Variants in ARHGAP26 observed in about 807,000 individuals in gnomAD.
ARHGAP26 encodes the protein Rho GTPase activating protein 26.
A neutral mutation model predicts 104.8 loss-of-function variants in ARHGAP26; 38 were observed. The ratio of observed to expected loss-of-function variants is 0.36; its 90% CI spans 0.28 to 0.48. ARHGAP26 has a LOEUF of 0.48. Among genes scored for constraint, ARHGAP26 ranks in the 20% least tolerant of loss-of-function variants. ARHGAP26 has a pLI of 0.99. For missense variants in ARHGAP26, 704 were observed against 947.9 expected, an observed-to-expected ratio of 0.74 and a Z score of 3.38; for synonymous variants, 341 against 340.0, an observed-to-expected ratio of 1.00 and a Z score of -0.03.
intron 3 of ARHGAP26, among the ~76,000 whole-genome samples, chr5:142,876,271 C>G (rs1050274610): frequency 1.4e-4 from 22 of 152,178 alleles, no homozygotes; most frequent in Non-Finnish European, 3.1e-4. Flanking sequence ...TCTTCCCATG[C>G]TAACAGTTGG....
intron 5 of ARHGAP26, 39 bp from the exon 6 acceptor site, chr5:142,894,199 G>A (rs887139992): frequency 6.4e-7 from 1 of 1,572,482 alleles, no homozygotes; most frequent in Admixed American, 1.7e-5. Context: ...TCCTTGGGTA[G>A]TGACTTGATT....
intron 1 of ARHGAP26, among the ~76,000 whole-genome samples, chr5:142,847,147 C>T (rs780019418): frequency 4.6e-5 from 7 of 152,134 alleles, no homozygotes; most frequent in African/African-American, 1.7e-4. Context: ...ATAACAGTGC[C>T]TGTCTCATGG....
intron 1 of ARHGAP26, chr5:142,866,667 A>G (rs911509824): frequency 6.6e-6 from 1 of 152,206 alleles, no homozygotes; most frequent in Non-Finnish European, 1.5e-5. Flanking sequence ...TGAAAATTTC[A>G]TTAGCCTTAG....
chr5:143,209,586 G>A (rs979606284), intron 21 of ARHGAP26, among the ~76,000 whole-genome samples: 1 of 152,138 alleles, frequency 6.6e-6, no homozygotes, highest in Non-Finnish European at 1.5e-5. Flanking sequence ...TTCAAGACCA[G>A]CCTGGACAAC....
chr5:143,138,483 T>C (rs758488348), intron 19 of ARHGAP26, among the ~76,000 whole-genome samples: 2 of 152,182 alleles, frequency 1.3e-5, no homozygotes, highest in Admixed American at 6.5e-5. Flanking sequence ...AAGTTATCTG[T>C]AGACAGTCAA....
At chr5:142,777,164 C>T (rs1756493500) in intron 1 of ARHGAP26, among the ~76,000 whole-genome samples, 1 of 152,164 alleles carries the variant, frequency 6.6e-6, no homozygotes, top group African/African-American at 2.4e-5. Flanking sequence ...TCTCCATTTG[C>T]CCTCTTTTGG....
intron 4 of ARHGAP26, among the ~76,000 whole-genome samples, chr5:142,883,441 G>A (rs1757282036): frequency 1.3e-5 from 2 of 152,202 alleles, no homozygotes; most frequent in East Asian, 1.9e-4. Flanking sequence ...TTCTTCATTT[G>A]CTGCTAAATG....
chr5:142,899,838 G>A (rs927786500), intron 6 of ARHGAP26, among the ~76,000 whole-genome samples: 27 of 152,132 alleles, frequency 1.8e-4, no homozygotes, highest in Admixed American at 1.8e-3. Context: ...GACTAAAGGA[G>A]GAAAAACAAA....
At chr5:143,159,685 T>A (rs1427575725) in intron 20 of ARHGAP26, among the ~76,000 whole-genome samples, 1 of 152,206 alleles carries the variant, frequency 6.6e-6, no homozygotes, top group Admixed American at 6.5e-5. Flanking sequence ...GATTTTGATA[T>A]GCATCTAGAT....
chr5:143,172,462 C>T (rs921494787), intron 20 of ARHGAP26, among the ~76,000 whole-genome samples: 12 of 152,142 alleles, frequency 7.9e-5, no homozygotes, highest in Admixed American at 1.3e-4. Flanking sequence ...GTTCAATTGT[C>T]TGTTCAAAAA....
At chr5:142,800,127 G>A (rs1003231275) in intron 1 of ARHGAP26, among the ~76,000 whole-genome samples, 3 of 152,144 alleles carry the variant, frequency 2.0e-5, no homozygotes, top group African/African-American at 4.8e-5. Flanking sequence ...AAATACCTGC[G>A]TAATAAGTAA....
At chr5:143,142,908 C>T (rs890986240) in intron 19 of ARHGAP26, among the ~76,000 whole-genome samples, 4 of 152,150 alleles carry the variant, frequency 2.6e-5, no homozygotes, top group Non-Finnish European at 5.9e-5. Flanking sequence ...AGGAAAGCCT[C>T]TGGGTATTTT....
chr5:143,112,148 A>G (rs1387040257), intron 17 of ARHGAP26, among the ~76,000 whole-genome samples: 1 of 152,238 alleles, frequency 6.6e-6, no homozygotes, highest in Non-Finnish European at 1.5e-5. Context: ...TGGTATATTT[A>G]TAATTCAGTA....
At chr5:142,880,955 T>C (rs1756911881) in intron 4 of ARHGAP26, among the ~76,000 whole-genome samples, 1 of 152,220 alleles carries the variant, frequency 6.6e-6, no homozygotes, top group Admixed American at 6.5e-5. Context: ...TACACATTTA[T>C]GAGGAAGTGG....
intron 17 of ARHGAP26, among the ~76,000 whole-genome samples, chr5:143,085,807 C>T (rs147127025): frequency 1.6e-4 from 25 of 152,342 alleles, no homozygotes; most frequent in African/African-American, 6.0e-4. Flanking sequence ...AGGAAACAAA[C>T]CTCCTTAACC....
intron 1 of ARHGAP26, among the ~76,000 whole-genome samples, chr5:142,843,922 G>A (rs1419343972): frequency 1.3e-5 from 2 of 152,122 alleles, no homozygotes; most frequent in African/African-American, 4.8e-5. Context: ...CTTGGGAAGT[G>A]GTGTGCTCCT....
At chr5:143,129,803 C>T (rs143432162) in intron 18 of ARHGAP26, among the ~76,000 whole-genome samples, 71 of 152,290 alleles carry the variant, frequency 4.7e-4, no homozygotes, top group African/African-American at 1.7e-3. Context: ...TACTCTTTGC[C>T]ACATACTGCA....
intron 20 of ARHGAP26, among the ~76,000 whole-genome samples, chr5:143,206,978 GCAA>G (rs1808663536): frequency 6.6e-6 from 1 of 152,222 alleles, no homozygotes; most frequent in Non-Finnish European, 1.5e-5. Context: ...GTTCTGCAGG[GCAA>G]AGCCTGTTTA....
At chr5:142,806,862 C>T (rs1344792186) in intron 1 of ARHGAP26, among the ~76,000 whole-genome samples, 1 of 152,200 alleles carries the variant, frequency 6.6e-6, no homozygotes, top group Non-Finnish European at 1.5e-5. Context: ...CAGCAGTTGA[C>T]TCATTTCAGG....
Sources: gnomAD v4.1 joint callset for allele counts (sites outside exome capture counted in the v4.1 genomes callset) on GRCh38, gnomAD v4.1.1 for gene constraint, MANE v1.5 for transcripts, NCBI Gene and HGNC (gene_info 2026-07-23, HGNC 2026-07-21) for gene names.